The following HHLA2 variants were observed in gnomAD, a reference collection of about 807,000 sequenced individuals.
HHLA2 encodes the protein HERV-H LTR-associating protein 2.
In HHLA2, 48 loss-of-function variants were observed where a neutral mutation model predicts 45.9. The observed-to-expected ratio is 1.05, with a 90% CI of 0.83 to 1.33. The LOEUF (loss-of-function observed/expected upper bound fraction) is 1.33. Ranked by LOEUF, HHLA2 falls within the 40% of genes most tolerant of loss-of-function variation. The probability of loss-of-function intolerance (pLI) is 0.00; values close to 1 mark genes in which losing one functional copy is unlikely to be tolerated. For missense variants in HHLA2, 462 were observed against 494.3 expected (o/e 0.93, Z 0.62); for synonymous variants, 161 against 173.9 (o/e 0.93, Z 0.59).
At chr3:108,343,856 G>A (rs2081616849) in intron 3 of HHLA2, among the ~76,000 whole-genome samples, 1 of 152,202 alleles carries the variant, frequency 6.6e-6, no homozygotes, top group Admixed American at 6.5e-5. Context: ...AACTTAAATT[G>A]ACATTGGAAA....
intron 8 of HHLA2, among the ~76,000 whole-genome samples, chr3:108,371,878 G>C (rs1344345136): frequency 3.3e-5 from 5 of 152,098 alleles, no homozygotes; most frequent in Admixed American, 3.3e-4. Flanking sequence ...ATAATAATGG[G>C]AGACTTTAAC....
chr3:108,312,583 A>G (rs59327155), intron 2 of HHLA2, among the ~76,000 whole-genome samples: 16,048 of 152,196 alleles, frequency 0.11, 1,598 homozygotes, highest in East Asian at 0.52. Context: ...CCCATGCCCA[A>G]TGACAGGCTG....
chr3:108,321,185 G>T (rs1306554468), intron 2 of HHLA2, among the ~76,000 whole-genome samples: 6 of 150,140 alleles, frequency 4.0e-5, no homozygotes, highest in African/African-American at 1.5e-4. Flanking sequence ...CTCCTCTCCA[G>T]TCTGGTCCAG....
intron 3 of HHLA2, among the ~76,000 whole-genome samples, chr3:108,347,028 C>T (rs144794513): frequency 4.6e-5 from 7 of 152,240 alleles, no homozygotes; most frequent in Non-Finnish European, 8.8e-5. Context: ...CCAAAAGTAC[C>T]AGAACAAGAT....
At chr3:108,300,266 A>G (rs1469402024) in intron 1 of HHLA2, among the ~76,000 whole-genome samples, 1 of 152,132 alleles carries the variant, frequency 6.6e-6, no homozygotes, top group Non-Finnish European at 1.5e-5. Flanking sequence ...GCTTTTGCAG[A>G]GACAGGAGGC....
chr3:108,333,479 T>G (rs1175713238), intron 3 of HHLA2, among the ~76,000 whole-genome samples: 1 of 152,034 alleles, frequency 6.6e-6, no homozygotes, highest in African/African-American at 2.4e-5. Context: ...TAGGATATTC[T>G]TGTACTAAAA....
intron 7 of HHLA2, among the ~76,000 whole-genome samples, chr3:108,360,966 C>T (rs767976849): frequency 1.3e-5 from 2 of 152,160 alleles, no homozygotes; most frequent in Non-Finnish European, 2.9e-5. Flanking sequence ...AGGATAGCCA[C>T]AAACATTTTC....
At chr3:108,362,512 A>G in intron 8 of HHLA2, 66 bp downstream of exon 7, 1 of 1,047,682 alleles carries the variant, frequency 9.5e-7, no homozygotes, top group East Asian at 2.5e-5. Context: ...TAACATGGAA[A>G]TACATGCCCA....
At chr3:108,346,853 AG>A in intron 3 of HHLA2, among the ~76,000 whole-genome samples, 1 of 152,340 alleles carries the variant, frequency 6.6e-6, no homozygotes, top group Middle Eastern at 3.4e-3. Flanking sequence ...GGAGCTATTA[AG>A]ATGGGTATGG....
chr3:108,356,029 C>CT (rs3053487), intron 6 of HHLA2, among the ~76,000 whole-genome samples: 11,730 of 117,696 alleles, frequency 0.1, 1,247 homozygotes, highest in African/African-American at 0.21. Flanking sequence ...ATTTGTTTTC[C>CT]TTTTTTTTTT....
intron 2 of HHLA2, chr3:108,328,136 G>GAAA: frequency 2.4e-6 from 1 of 418,440 alleles, no homozygotes; most frequent in Non-Finnish European, 4.2e-6. Context: ...CTGTCTCGAA[G>GAAA]AAAAAAAAAA....
At chr3:108,324,030 G>T (rs1447038908) in intron 2 of HHLA2, among the ~76,000 whole-genome samples, 2 of 152,140 alleles carry the variant, frequency 1.3e-5, no homozygotes, top group Non-Finnish European at 2.9e-5. Context: ...ATTTCAAAAT[G>T]CACTCCTTTG....
exon 5 of HHLA2, chr3:108,353,774 G>A: frequency 6.2e-7 from 1 of 1,605,992 alleles, no homozygotes; most frequent in Non-Finnish European, 8.5e-7. Context: ...GGTGCTAAAG[G>A]TGGGAGGTAA....
Position 108,357,832 on chromosome 3 carries a change from T to C in HHLA2, c.686-12T>C, listed in dbSNP as rs374815458. On this transcript the variant is annotated splice_polypyrimidine_tract_variant and intron_variant, in intron 6 of 10. Coordinates refer to ENST00000619531, the Ensembl canonical transcript of HHLA2. ...ATCTTCATTGATGTTTTCTTTTCTA[T>C]TGTGTTGTTAGATGGCCTTCATAAA... The C allele has an allele frequency of 1.6e-5, 25 of 1,582,080 alleles. No individual in the cohort carries two copies. The African/African-American group carries it at 3.4e-4, about 22-fold the overall frequency.
At chr3:108,333,646 T>C (rs2081424789) in intron 3 of HHLA2, among the ~76,000 whole-genome samples, 1 of 150,392 alleles carries the variant, frequency 6.6e-6, no homozygotes, top group Non-Finnish European at 1.5e-5. Flanking sequence ...AGCACATACA[T>C]GCCTCAGAGG....
intron 7 of HHLA2, among the ~76,000 whole-genome samples, chr3:108,359,539 C>G (rs2081954030): frequency 6.6e-6 from 1 of 152,170 alleles, no homozygotes; most frequent in African/African-American, 2.4e-5. Context: ...TTCCTCGAAT[C>G]TAGATCTGCT....
At chr3:108,329,360 A>G (rs1036767565) in intron 3 of HHLA2, among the ~76,000 whole-genome samples, 2 of 152,182 alleles carry the variant, frequency 1.3e-5, no homozygotes, top group Admixed American at 6.5e-5. Context: ...AGGGGGTTTT[A>G]TGAGTCAAAA....
At chr3:108,320,029 T>A (rs1292677688) in intron 2 of HHLA2, among the ~76,000 whole-genome samples, 2 of 152,224 alleles carry the variant, frequency 1.3e-5, no homozygotes, top group Non-Finnish European at 2.9e-5. Context: ...AATGGTCAAT[T>A]GCATGAATAT....
chr3:108,345,088 G>C (rs2081638951), intron 3 of HHLA2, among the ~76,000 whole-genome samples: 1 of 152,182 alleles, frequency 6.6e-6, no homozygotes, highest in South Asian at 2.1e-4. Context: ...CAAGTAAAGA[G>C]AGCAGTGTTC....
Sources: gnomAD v4.1 joint callset for allele counts (sites outside exome capture counted in the v4.1 genomes callset) on GRCh38, gnomAD v4.1.1 for gene constraint, MANE v1.5 for transcripts, NCBI Gene and HGNC (gene_info 2026-07-23, HGNC 2026-07-21) for gene names.